The following PCDHGA1 variants were observed in gnomAD, a reference collection of about 807,000 sequenced individuals.
The protein encoded by PCDHGA1 is protocadherin gamma-A1.
PCDHGA1 carries 32 observed loss-of-function variants against 58.0 expected under a neutral mutation model. The ratio of observed to expected loss-of-function variants is 0.55; its 90% CI spans 0.42 to 0.74. The LOEUF (loss-of-function observed/expected upper bound fraction) is 0.74. Ranked by LOEUF, PCDHGA1 falls within the 30% of genes least tolerant of loss-of-function variation. The pLI is 0.00. For synonymous variants in PCDHGA1, 498 were observed against 501.1 expected (o/e 0.99, Z 0.08); for missense variants, 1,205 against 1,182.3 (o/e 1.02, Z -0.28).
rs188953728 is a variant in PCDHGA1, at chr5:141,448,550, T to A, written c.2422-46257T>A. Among the ~76,000 whole-genome samples, 304 of 152,316 alleles carry A rather than the reference T, an allele frequency of 2.0e-3. 1 individual carries two copies. Among genetic ancestry groups the A allele is most frequent in the African/African-American group, 6.6e-3 (275 of 41,578 alleles). On this transcript the variant is annotated intron_variant, in intron 1 of 3. Transcript: ENST00000517417. ...CCTGTCAGCATTTCTTATGCAAATA[T>A]GTACATATATTTTTATTTCCCCATT...
rs147403131 is a variant in PCDHGA1, at chr5:141,368,659, C to A, written c.2421+35554C>A. 4.1e-3 allele frequency among the ~76,000 whole-genome samples: 617 copies of A among 152,246 alleles called. 6 individuals are homozygous for A. The highest frequency in any genetic ancestry group is 0.011 in the Admixed American group (171 of 15,302). On this transcript the variant is annotated intron_variant, in intron 1 of 3. Coordinates refer to ENST00000517417, the MANE Select transcript of PCDHGA1 (RefSeq NM_018912.3). ...AATGTTTTGTGCAATGGAAAAATATCTTTAAACCCTCTATAAACTACTAAC... is the reference window on the plus strand; with the variant it reads ...AATGTTTTGTGCAATGGAAAAATATATTTAAACCCTCTATAAACTACTAAC...
At chr5:141,428,154 T>G (rs760002801) in intron 1 of PCDHGA1, 29 of 1,578,806 alleles carry the variant, frequency 1.8e-5, no homozygotes, top group African/African-American at 1.3e-5. Flanking sequence ...CACGGGAACC[T>G]GCTGGTTGCT....
At chr5:141,427,776 G>T (rs3828681) in intron 1 of PCDHGA1, 8 of 1,424,704 alleles carry the variant, frequency 5.6e-6, no homozygotes, top group Non-Finnish European at 9.8e-7. Context: ...GGAGCTGCGG[G>T]CACTGTCGTC....
intron 1 of PCDHGA1, chr5:141,398,838 T>C: frequency 6.2e-7 from 1 of 1,613,946 alleles, no homozygotes; most frequent in Non-Finnish European, 8.5e-7. Context: ...ACGCCAATGA[T>C]AATCCCCCGG....
rs2097461148 is a variant in PCDHGA1 at position 141,432,174 on chromosome 5, T to C, written c.2422-62633T>C. ...AACAATCCCAGAGGAGTTTCCCTCGTCTCTGTGACCGCCCACGACCCCGAC... is the reference window on the plus strand; with the variant it reads ...AACAATCCCAGAGGAGTTTCCCTCGCCTCTGTGACCGCCCACGACCCCGAC... On this transcript the variant is annotated intron_variant, in intron 1 of 3. Transcript: ENST00000517417. The surrounding 1 kb of genome is among the most constrained non-coding windows in gnomAD (Gnocchi z 6.0). 1 of 1,614,088 alleles carries C rather than the reference T, an allele frequency of 6.2e-7. No homozygotes were observed. Among genetic ancestry groups the C allele is most frequent in the Non-Finnish European group, 8.5e-7 (1 of 1,180,022 alleles).
chr5:141,403,237 C>T (rs1293614874), intron 1 of PCDHGA1: 1 of 1,613,824 alleles, frequency 6.2e-7, no homozygotes, highest in Non-Finnish European at 8.5e-7. Flanking sequence ...GGGAGGAGCT[C>T]TGTGCTCAGA....
chr5:141,471,790 C>T (rs1465283136), intron 1 of PCDHGA1, among the ~76,000 whole-genome samples: 1 of 152,068 alleles, frequency 6.6e-6, no homozygotes, highest in Non-Finnish European at 1.5e-5. Context: ...TATGCTATGT[C>T]ATATAAAAGA....
chr5:141,475,984 G>A, intron 1 of PCDHGA1: 2 of 1,069,308 alleles, frequency 1.9e-6, no homozygotes, highest in Non-Finnish European at 2.7e-6. Flanking sequence ...AACAGCCGGC[G>A]AGCAAATCAA....
intron 2 of PCDHGA1, among the ~76,000 whole-genome samples, chr5:141,500,877 AT>A (rs369345007): frequency 5.2e-4 from 64 of 122,250 alleles, no homozygotes; most frequent in Admixed American, 1.0e-3. Context: ...TTCATTTACA[AT>A]TTTTTTTTTT....
chr5:141,388,773 G>C, intron 1 of PCDHGA1: 4 of 1,613,808 alleles, frequency 2.5e-6, no homozygotes, highest in Non-Finnish European at 3.4e-6. Context: ...CTCTAACACC[G>C]GGGAAATTAC....
At chr5:141,350,570 G>A in intron 1 of PCDHGA1, 1 of 1,614,054 alleles carries the variant, frequency 6.2e-7, no homozygotes, top group Non-Finnish European at 8.5e-7. Flanking sequence ...ACTAGAATTC[G>A]AAACGGTCGC....
intron 1 of PCDHGA1, chr5:141,339,751 G>T: frequency 6.2e-7 from 1 of 1,614,132 alleles, no homozygotes; most frequent in Non-Finnish European, 8.5e-7. Flanking sequence ...TGGGCACCCG[G>T]ATACTCACGG....
chr5:141,423,185 C>T (rs996177363), intron 1 of PCDHGA1: 7 of 1,613,492 alleles, frequency 4.3e-6, no homozygotes, highest in Non-Finnish European at 5.9e-6. Context: ...CACGGCCAGC[C>T]CCCTCTCTCG....
rs1756323707 is a variant in PCDHGA1, at chr5:141,330,795, A to G, written c.111A>G (p.Glu37=). 3 of 1,614,106 alleles carry G rather than the reference A, an allele frequency of 1.9e-6. No individual in the cohort carries two copies. Among genetic ancestry groups the G allele is most frequent in the South Asian group, 2.2e-5 (2 of 91,094 alleles). ...GAGNIHYSVP[E]ETDKGSFVGN... ...GGAATATTCACTACTCAGTGCCGGAAGAGACAGACAAAGGTTCCTTCGTAG... is the reference window on the plus strand; with the variant it reads ...GGAATATTCACTACTCAGTGCCGGAGGAGACAGACAAAGGTTCCTTCGTAG... Residue 37 remains glutamate, a synonymous_variant, in exon 1 of 4, where the codon GAA becomes GAG. Transcript: ENST00000517417.
chr5:141,381,355 C>A (rs1431564536), intron 1 of PCDHGA1, among the ~76,000 whole-genome samples: 1 of 152,222 alleles, frequency 6.6e-6, no homozygotes, highest in Non-Finnish European at 1.5e-5. Flanking sequence ...TTTCTGCTAG[C>A]AGAGGGTAGC....
rs762408704 is a variant in PCDHGA1 at position 141,486,335 on chromosome 5, C to G, written c.2422-8472C>G. 6.2e-7 allele frequency: 1 copy of G among 1,613,936 alleles called. No individual in the cohort carries two copies. The highest frequency in any genetic ancestry group is 8.5e-7 in the Non-Finnish European group (1 of 1,180,002). ...AGGGTCAAACGGAGATGTGAGCCTC[C>G]GCATTCCTGACCACTTGCCATTTGC... On this transcript the variant is annotated intron_variant, in intron 1 of 3. Transcript: ENST00000517417. This position sits in a 1 kb window ranked among gnomAD's most constrained non-coding sequence, Gnocchi z 5.0.
chr5:141,461,409 A>ATATGTTTGT (rs1491521215), intron 1 of PCDHGA1, among the ~76,000 whole-genome samples: 2 of 151,810 alleles, frequency 1.3e-5, no homozygotes, highest in Non-Finnish European at 2.9e-5. Context: ...GCATTTTTTC[A>ATATGTTTGT]TATGTTTGTG....
rs1347087103 is a variant in PCDHGA1 at position 141,409,851 on chromosome 5, T to C, written c.2421+76746T>C. 4 of 1,612,112 alleles carry C rather than the reference T, an allele frequency of 2.5e-6. No homozygotes were observed. In the Admixed American group the frequency reaches 6.7e-5, roughly 27 times the overall value. On this transcript the variant is annotated intron_variant, in intron 1 of 3. Transcript: ENST00000517417. ...CTCAGCGCCAACGTGAGCCTGCGCG[T>C]GTTGGTGGGAGACCGCAATGACAAC...
intron 1 of PCDHGA1, chr5:141,340,867 G>C (rs969932872): frequency 3.7e-6 from 6 of 1,613,676 alleles, no homozygotes; most frequent in Non-Finnish European, 5.1e-6. Context: ...CGCGAGCCCT[G>C]CTGGACAGAG....
Sources: allele counts gnomAD v4.1 joint callset (sites outside exome capture counted in the v4.1 genomes callset), GRCh38; gene constraint gnomAD v4.1.1; non-coding constraint Gnocchi (gnomAD v3.1); transcripts MANE v1.5; gene names NCBI Gene and HGNC (gene_info 2026-07-23, HGNC 2026-07-21).